The following SPG21 variants were observed in gnomAD, a reference collection of about 807,000 sequenced individuals.
The protein encoded by SPG21 is maspardin.
A neutral mutation model predicts 38.9 loss-of-function variants in SPG21; 26 were observed. The observed-to-expected ratio is 0.67, with a 90% CI of 0.49 to 0.93. The LOEUF is 0.93. SPG21 is among the 40% of genes least tolerant of loss of function. SPG21 has a pLI of 0.00. For missense variants in SPG21, 333 were observed against 376.5 expected (o/e 0.88, Z 0.96); for synonymous variants, 136 against 128.9 (o/e 1.05, Z -0.37).
intron 3 of SPG21, among the ~76,000 whole-genome samples, chr15:64,979,569 C>T (rs2085846185): frequency 6.6e-6 from 1 of 152,160 alleles, no homozygotes; most frequent in Non-Finnish European, 1.5e-5. Context: ...ACTGTTTTCT[C>T]AAGTAAGAGA....
At chr15:64,965,247 C>A in intron 8 of SPG21, 73 bp downstream of exon 8, 1 of 1,585,984 alleles carries the variant, frequency 6.3e-7, no homozygotes, top group Non-Finnish European at 8.7e-7. Context: ...CCTAACTAGT[C>A]CATTAAAAGA....
intron 1 of SPG21, among the ~76,000 whole-genome samples, chr15:64,984,582 G>A (rs2085950914): frequency 6.6e-6 from 1 of 152,022 alleles, no homozygotes; most frequent in Admixed American, 6.6e-5. Flanking sequence ...CGAATTCCTA[G>A]GCTCAAGCAA....
chr15:64,985,113 A>G (rs1469903585), intron 1 of SPG21, among the ~76,000 whole-genome samples: 1 of 152,232 alleles, frequency 6.6e-6, no homozygotes, highest in South Asian at 2.1e-4. Flanking sequence ...ATTAAAAGTT[A>G]CACAATGTCC....
At chr15:64,984,080 G>A (rs549880321) in intron 1 of SPG21, among the ~76,000 whole-genome samples, 2 of 152,148 alleles carry the variant, frequency 1.3e-5, no homozygotes, top group South Asian at 4.2e-4. Context: ...CACCATGCCC[G>A]GCCACCAGAA....
rs189532547 is a variant in SPG21 at position 64,974,856 on chromosome 15, C to T, written c.307-109G>A. On this transcript the variant is annotated intron_variant, in intron 4 of 8. Transcript: ENST00000204566. Reference sequence around the variant, plus strand: ...TAACCACAGAATATGTTATCACTAGCCAATAGACTAAAATATTTACAGCAG... The same window carrying T: ...TAACCACAGAATATGTTATCACTAGTCAATAGACTAAAATATTTACAGCAG... 4.2e-3 allele frequency: 5,050 copies of T among 1,208,868 alleles called. 16 individuals are homozygous for T. Among genetic ancestry groups the T allele is most frequent in the Non-Finnish European group, 4.9e-3 (4,034 of 830,746 alleles). 74.9% of individuals were successfully genotyped at this position (1,208,868 alleles called of 1,614,324 possible).
chr15:64,963,842 C>T (rs546268961), intron 8 of SPG21, 106 bp from the exon 9 acceptor site: 48 of 983,678 alleles, frequency 4.9e-5, no homozygotes, highest in East Asian at 5.5e-5. Context: ...CTCCAACCTC[C>T]GCCTCCCGGG....
At position 64,985,343 on chromosome 15, in the gene SPG21, C is replaced by T. The variant is rs139575222; in HGVS notation, c.-24-1750G>A. On this transcript the variant is annotated intron_variant, in intron 1 of 8. Transcript: ENST00000204566. ...CCAAAGCTTAGATCAGTGCTTGGCA[C>T]ACAGCAGGCATTATCTGTTGATTGA... Among the ~76,000 whole-genome samples, 159 of 152,302 alleles carry T rather than the reference C, an allele frequency of 1.0e-3. 1 individual carries two copies. The highest frequency in any genetic ancestry group is 3.7e-3 in the African/African-American group (154 of 41,564).
rs754881234 is a variant in SPG21 at position 64,976,431 on chromosome 15, T to A, written c.306+44A>T. ...CAGAGTGAGACTTCATCTCAAAAAATAAAAAAAAAATTGTATGTATGTAAT... is the reference window on the plus strand; with the variant it reads ...CAGAGTGAGACTTCATCTCAAAAAAAAAAAAAAAAATTGTATGTATGTAAT... On this transcript the variant is annotated intron_variant, in intron 4 of 8. Coordinates refer to ENST00000204566, the MANE Select transcript of SPG21 (RefSeq NM_016630.7). 340 of 1,349,006 alleles carry A rather than the reference T, an allele frequency of 2.5e-4. 2 individuals carry two copies. The Middle Eastern group carries it at 3.0e-3, about 12-fold the overall frequency. 83.6% of individuals were successfully genotyped at this position (1,349,006 alleles called of 1,614,324 possible). A position where few individuals can be genotyped will look rare whatever the true frequency, so the allele number is the denominator to read the frequency against.
intron 5 of SPG21, 134 bp downstream of exon 5, chr15:64,974,467 TC>T (rs2085736198): frequency 9.7e-7 from 1 of 1,031,950 alleles, no homozygotes; most frequent in Non-Finnish European, 1.4e-6. Context: ...AGAGCAAGAC[TC>T]TGTCTCAAAA....
intron 5 of SPG21, among the ~76,000 whole-genome samples, chr15:64,972,414 A>G (rs2085685413): frequency 6.6e-6 from 1 of 152,236 alleles, no homozygotes. Context: ...GAACAGCAAT[A>G]AAAATCACCA....
Position 64,980,725 on chromosome 15 carries a change from G to A in SPG21, c.225+139C>T, listed in dbSNP as rs1595877513. 59 of 1,029,484 alleles carry A rather than the reference G, an allele frequency of 5.7e-5. 1 individual carries two copies. The South Asian group carries it at 7.7e-4, about 14-fold the overall frequency. The allele number at this position is 1,029,484 out of a possible 1,614,324, so 63.8% of individuals were successfully genotyped here. ...TGCACTCCAGCCCGGGCGACAGAGT[G>A]AGAATCCATCTCAACAAACAAACAA... is the stretch of plus-strand genomic sequence containing the variant. On this transcript the variant is annotated intron_variant, in intron 3 of 8. Transcript: ENST00000204566.
At position 64,983,529 on chromosome 15, in the gene SPG21, C is replaced by A; in HGVS notation, c.41G>T (p.Arg14Ile). Reference protein sequence around the residue: ...IKVSPDYNWFRGTVPLKKIIV... With the variant: ...IKVSPDYNWFIGTVPLKKIIV... ...TACCTTTTTAAGGGGAACTGTACCT[C>A]TAAACCAGTTATAATCAGGAGAGAC... Residue 14 changes from arginine (R) to isoleucine (I), a missense_variant, in exon 2 of 9, where the codon AGA (arginine) becomes ATA (isoleucine). Arg to Ile is a moderately conservative substitution (Grantham distance 97). Coordinates refer to ENST00000204566, the MANE Select transcript of SPG21 (RefSeq NM_016630.7). The A allele has an allele frequency of 6.3e-7, 1 of 1,579,468 alleles. No homozygotes were observed. The highest frequency in any genetic ancestry group is 8.6e-7 in the Non-Finnish European group (1 of 1,158,564).
rs980899154 is a variant in SPG21, at chr15:64,980,631, G to A, written c.225+233C>T. ...CGGGCGCCTGTAATCCCAGCTACTC[G>A]GGAGGCTGAGGCAGGAGAATCGCTT... On this transcript the variant is annotated intron_variant, in intron 3 of 8. Coordinates refer to ENST00000204566, the MANE Select transcript of SPG21 (RefSeq NM_016630.7). Among the ~76,000 whole-genome samples, 6 of 151,816 alleles carry A rather than the reference G, an allele frequency of 4.0e-5. No homozygotes were observed. In the South Asian group the frequency reaches 6.2e-4, roughly 16 times the overall value.
Position 64,963,546 on chromosome 15 carries a change from G to T in SPG21, c.*74C>A. 3 of 1,286,514 alleles carry T rather than the reference G, an allele frequency of 2.3e-6. No individual in the cohort carries two copies. The highest frequency in any genetic ancestry group is 3.4e-6 in the Non-Finnish European group (3 of 886,130). 79.7% of individuals were successfully genotyped at this position (1,286,514 alleles called of 1,614,324 possible). On this transcript the variant is annotated 3_prime_UTR_variant, in exon 9 of 9. Coordinates refer to ENST00000204566, the MANE Select transcript of SPG21 (RefSeq NM_016630.7). ...CCTGACGAACCTGAAGGAAAAGGCTGGCTGACGGGTGCTGATGCCACTGAC... is the reference window on the plus strand; with the variant it reads ...CCTGACGAACCTGAAGGAAAAGGCTTGCTGACGGGTGCTGATGCCACTGAC...
chr15:64,975,362 T>C (rs1270540598), intron 4 of SPG21, among the ~76,000 whole-genome samples: 4 of 138,352 alleles, frequency 2.9e-5, no homozygotes, highest in Non-Finnish European at 6.3e-5. Context: ...AAGGCCTGTA[T>C]ACTAAAAATA....
chr15:64,976,608 A>C (rs764752157), intron 3 of SPG21, 53 bp from the exon 4 acceptor site: 107 of 1,408,802 alleles, frequency 7.6e-5, no homozygotes, highest in Non-Finnish European at 1.0e-4. Context: ...TAAAAATGCA[A>C]CTCACGTATT....
chr15:64,969,174 G>T, intron 7 of SPG21, 81 bp downstream of exon 7: 1 of 1,020,862 alleles, frequency 9.8e-7, no homozygotes, highest in Non-Finnish European at 1.5e-6. Context: ...TACATTGAAA[G>T]TTATCAAATA....
At chr15:64,977,198 G>A (rs558063771) in intron 3 of SPG21, among the ~76,000 whole-genome samples, 3 of 152,246 alleles carry the variant, frequency 2.0e-5, no homozygotes, top group East Asian at 3.9e-4. Context: ...CTGAGTAGCT[G>A]AGATTACAGA....
intron 8 of SPG21, among the ~76,000 whole-genome samples, chr15:64,964,533 G>C (rs996067497): frequency 6.6e-6 from 1 of 152,246 alleles, no homozygotes; most frequent in East Asian, 1.9e-4. Context: ...TAAGGCTCTT[G>C]ATTCATCTTG....
Sources: gnomAD v4.1 joint callset for allele counts (sites outside exome capture counted in the v4.1 genomes callset) on GRCh38, gnomAD v4.1.1 for gene constraint, MANE v1.5 for transcripts, NCBI Gene and HGNC (gene_info 2026-07-23, HGNC 2026-07-21) for gene names.